Variants in SMYD3 observed in about 807,000 individuals in gnomAD.
SMYD3 encodes the protein histone-lysine N-methyltransferase SMYD3.
SMYD3 carries 36 observed loss-of-function variants against 57.7 expected under a neutral mutation model. That is an observed-to-expected ratio of 0.62 (90% confidence interval 0.48 to 0.82). The LOEUF (loss-of-function observed/expected upper bound fraction) is 0.82. Ranked by LOEUF, SMYD3 falls within the 40% of genes least tolerant of loss-of-function variation. The pLI is 0.00. For missense variants in SMYD3, 515 were observed against 538.8 expected (o/e 0.96, Z 0.44); for synonymous variants, 211 against 195.0 (o/e 1.08, Z -0.68).
intron 1 of SMYD3, among the ~76,000 whole-genome samples, chr1:246,506,459 G>T: frequency 6.6e-6 from 1 of 152,108 alleles, no homozygotes; most frequent in Non-Finnish European, 1.5e-5. Flanking sequence ...AGCCCTTCTG[G>T]TACACTGTAA....
At chr1:246,035,966 A>G (rs2059766410) in intron 5 of SMYD3, among the ~76,000 whole-genome samples, 1 of 152,234 alleles carries the variant, frequency 6.6e-6, no homozygotes. Context: ...ACACACCTAC[A>G]AAACTTTCAA....
rs2051384184 is a variant in SMYD3, at chr1:245,858,754, T to A, written c.902-84A>T. ...TAGATTCTCTAAAAGGCTAAAGAGCTCCCAAGCACAGGAGCGAGGGAAGCA... is the reference window on the plus strand; with the variant it reads ...TAGATTCTCTAAAAGGCTAAAGAGCACCCAAGCACAGGAGCGAGGGAAGCA... On this transcript the variant is annotated intron_variant, in intron 9 of 11. Coordinates refer to ENST00000490107, the MANE Select transcript of SMYD3 (RefSeq NM_001167740.2). 4 of 1,437,240 alleles carry A rather than the reference T, an allele frequency of 2.8e-6. No homozygotes were observed. In the South Asian group the frequency reaches 4.0e-5, roughly 14 times the overall value. 89.0% of individuals were successfully genotyped at this position (1,437,240 alleles called of 1,614,324 possible).
intron 1 of SMYD3, among the ~76,000 whole-genome samples, chr1:246,359,960 G>A (rs961054398): frequency 6.6e-6 from 1 of 152,144 alleles, no homozygotes; most frequent in African/African-American, 2.4e-5. Context: ...GTCCTAGCCA[G>A]AGCAATCAGA....
intron 5 of SMYD3, among the ~76,000 whole-genome samples, chr1:246,235,077 A>T (rs1398947567): frequency 6.6e-5 from 10 of 152,226 alleles, no homozygotes; most frequent in Admixed American, 6.5e-4. Context: ...TAGTATCAAA[A>T]CTAGGAGGTC....
At chr1:245,807,317 A>G (rs1402738093) in intron 10 of SMYD3, among the ~76,000 whole-genome samples, 1 of 152,154 alleles carries the variant, frequency 6.6e-6, no homozygotes, top group East Asian at 1.9e-4. Context: ...TTATGATTAC[A>G]GCTCTGCAAT....
chr1:245,947,903 G>A (rs116436961), intron 5 of SMYD3, among the ~76,000 whole-genome samples: 3,173 of 152,254 alleles, frequency 0.021, 64 homozygotes, highest in Non-Finnish European at 0.029. Context: ...CACAGTGTAC[G>A]TAACTAGTGA....
intron 6 of SMYD3, among the ~76,000 whole-genome samples, chr1:245,929,130 A>T (rs1017553022): frequency 2.6e-5 from 4 of 152,194 alleles, no homozygotes; most frequent in African/African-American, 9.7e-5. Flanking sequence ...TGGTGATGGA[A>T]TTTGGACCAG....
At chr1:245,812,235 T>G (rs539745046) in intron 10 of SMYD3, among the ~76,000 whole-genome samples, 62 of 152,296 alleles carry the variant, frequency 4.1e-4, no homozygotes, top group African/African-American at 1.4e-3. Context: ...GTTAAAACTG[T>G]TCCTTTTAAT....
At chr1:246,037,768 G>C (rs1359360682) in intron 5 of SMYD3, among the ~76,000 whole-genome samples, 1 of 152,158 alleles carries the variant, frequency 6.6e-6, no homozygotes, top group Non-Finnish European at 1.5e-5. Context: ...AAACCTGTTT[G>C]CTATTGCTTT....
At chr1:246,292,009 T>C (rs1213206589) in intron 5 of SMYD3, among the ~76,000 whole-genome samples, 3 of 151,922 alleles carry the variant, frequency 2.0e-5, no homozygotes, top group Non-Finnish European at 4.4e-5. Flanking sequence ...AGACTTACTA[T>C]CCAACACACC....
intron 8 of SMYD3, among the ~76,000 whole-genome samples, chr1:245,866,194 C>T (rs1034650642): frequency 2.6e-4 from 39 of 152,260 alleles, no homozygotes; most frequent in African/African-American, 9.1e-4. Flanking sequence ...CCACGAACCA[C>T]AGAAAACAGA....
chr1:245,925,314 A>T (rs1206369925), intron 7 of SMYD3, among the ~76,000 whole-genome samples: 1 of 152,122 alleles, frequency 6.6e-6, no homozygotes, highest in Non-Finnish European at 1.5e-5. Context: ...GTTATCCACG[A>T]CCTCATGTAT....
intron 10 of SMYD3, among the ~76,000 whole-genome samples, chr1:245,765,078 A>ACAAAAAAAAAAAAAAAAAAAAAAAAC (rs1553315995): frequency 7.2e-6 from 1 of 139,534 alleles, no homozygotes; most frequent in African/African-American, 2.8e-5. Context: ...ACACACACAC[A>ACAAAAAAAAAAAAAAAAAAAAAAAAC]AAACCACAGT....
At chr1:246,054,128 CAAAAG>C (rs1163065190) in intron 5 of SMYD3, among the ~76,000 whole-genome samples, 4 of 152,020 alleles carry the variant, frequency 2.6e-5, no homozygotes, top group African/African-American at 9.7e-5. Context: ...AAATACTTCT[CAAAAG>C]AAAAGATACA....
chr1:246,078,676 G>A (rs2060586834), intron 5 of SMYD3, among the ~76,000 whole-genome samples: 1 of 152,198 alleles, frequency 6.6e-6, no homozygotes, highest in Non-Finnish European at 1.5e-5. Context: ...CCATTAAGAG[G>A]TTGATTCAGC....
intron 5 of SMYD3, among the ~76,000 whole-genome samples, chr1:246,072,674 A>G (rs1305974563): frequency 1.3e-5 from 2 of 152,118 alleles, no homozygotes; most frequent in Non-Finnish European, 2.9e-5. Context: ...TCCAGAGGAG[A>G]TTAGTACATG....
intron 5 of SMYD3, among the ~76,000 whole-genome samples, chr1:246,120,736 G>A (rs1480005790): frequency 6.6e-6 from 1 of 152,168 alleles, no homozygotes. Context: ...GATTTATTCT[G>A]TGAAATCATC....
At chr1:245,907,499 C>T (rs1403784650) in intron 8 of SMYD3, among the ~76,000 whole-genome samples, 3 of 152,058 alleles carry the variant, frequency 2.0e-5, no homozygotes, top group Non-Finnish European at 4.4e-5. Flanking sequence ...AGCAAAAGGA[C>T]AATATTTGCC....
intron 11 of SMYD3, among the ~76,000 whole-genome samples, chr1:245,751,928 A>G (rs1353765406): frequency 6.6e-6 from 1 of 152,210 alleles, no homozygotes; most frequent in Non-Finnish European, 1.5e-5. Context: ...GCCCAGCTCT[A>G]TGAGATTCCC....
Sources: allele counts gnomAD v4.1 joint callset (sites outside exome capture counted in the v4.1 genomes callset), GRCh38; gene constraint gnomAD v4.1.1; transcripts MANE v1.5; gene names NCBI Gene and HGNC (gene_info 2026-07-23, HGNC 2026-07-21).